LRRC7: variants seen among roughly 807,000 people sequenced by gnomAD.
The protein encoded by LRRC7 is leucine rich repeat containing 7.
A neutral mutation model predicts 175.7 loss-of-function variants in LRRC7; 23 were observed. The observed-to-expected ratio is 0.13, with a 90% confidence interval of 0.09 to 0.19. The LOEUF is 0.19. Ranked by LOEUF, LRRC7 falls within the 10% of genes least tolerant of loss-of-function variation. LRRC7 has a pLI of 1.00. For synonymous variants in LRRC7, 685 were observed against 680.9 expected, an observed-to-expected ratio of 1.01 and a Z score of -0.09; for missense variants, 1,354 against 1,904.7, an observed-to-expected ratio of 0.71 and a Z score of 5.38.
chr1:69,798,408 G>A (rs1676056367), intron 4 of LRRC7, among the ~76,000 whole-genome samples: 1 of 151,958 alleles, frequency 6.6e-6, no homozygotes, highest in Non-Finnish European at 1.5e-5. Context: ...TGTGGCCTCT[G>A]ACCTGACTAA....
chr1:70,002,550 G>A (rs1445713227), intron 11 of LRRC7, among the ~76,000 whole-genome samples: 1 of 152,084 alleles, frequency 6.6e-6, no homozygotes, highest in Admixed American at 6.6e-5. Flanking sequence ...GCTCCTTGAG[G>A]GCTGGATCAT....
At chr1:70,079,628 A>C (rs926886851) in intron 24 of LRRC7, among the ~76,000 whole-genome samples, 2 of 152,226 alleles carry the variant, frequency 1.3e-5, no homozygotes, top group South Asian at 4.1e-4. Flanking sequence ...GAATGAAAAT[A>C]GCAAAGAAAG....
intron 11 of LRRC7, among the ~76,000 whole-genome samples, chr1:70,009,810 G>A (rs1206354057): frequency 6.6e-6 from 1 of 152,204 alleles, no homozygotes; most frequent in East Asian, 1.9e-4. Context: ...AATCTGTTAA[G>A]GTGATGAAGT....
chr1:69,854,980 G>A (rs999860448), intron 7 of LRRC7, among the ~76,000 whole-genome samples: 1 of 152,012 alleles, frequency 6.6e-6, no homozygotes, highest in Non-Finnish European at 1.5e-5. Context: ...ATACCTTAGA[G>A]CAGGGCATTT....
At chr1:69,911,128 C>G (rs891758768) in intron 7 of LRRC7, among the ~76,000 whole-genome samples, 1 of 152,182 alleles carries the variant, frequency 6.6e-6, no homozygotes. Flanking sequence ...GGAAAGGGAA[C>G]TCCCTGACCC....
chr1:69,629,653 G>A (rs1412602192), intron 1 of LRRC7, among the ~76,000 whole-genome samples: 1 of 151,994 alleles, frequency 6.6e-6, no homozygotes, highest in East Asian at 1.9e-4. Flanking sequence ...TCTTTAGTAT[G>A]TCACTTTATC....
intron 26 of LRRC7, among the ~76,000 whole-genome samples, chr1:70,111,528 A>G (rs1182349654): frequency 6.6e-6 from 1 of 152,168 alleles, no homozygotes; most frequent in Non-Finnish European, 1.5e-5. Context: ...TGAATTTGCC[A>G]ATATTTGAAA....
At chr1:69,876,244 T>C (rs1439820520) in intron 7 of LRRC7, among the ~76,000 whole-genome samples, 2 of 152,158 alleles carry the variant, frequency 1.3e-5, no homozygotes, top group Non-Finnish European at 2.9e-5. Context: ...TATTTTGTCT[T>C]ATCTTTTTAA....
At chr1:69,973,070 C>CATAT (rs1163646312) in intron 8 of LRRC7, among the ~76,000 whole-genome samples, 1 of 140,004 alleles carries the variant, frequency 7.1e-6, no homozygotes, top group Admixed American at 7.3e-5. Flanking sequence ...TATAAAGTAC[C>CATAT]ATATATATAT....
At chr1:69,663,445 T>A (rs1397236991) in intron 1 of LRRC7, among the ~76,000 whole-genome samples, 1 of 152,216 alleles carries the variant, frequency 6.6e-6, no homozygotes, top group East Asian at 1.9e-4. Flanking sequence ...AGAGTATTCA[T>A]CACCTCAAGC....
At chr1:69,734,536 A>G (rs1305097168) in intron 2 of LRRC7, among the ~76,000 whole-genome samples, 1 of 151,974 alleles carries the variant, frequency 6.6e-6, no homozygotes, top group Admixed American at 6.6e-5. Context: ...ATGGCTATAT[A>G]GTATTTCATT....
chr1:69,976,388 A>G (rs895820136), intron 8 of LRRC7, among the ~76,000 whole-genome samples: 1 of 152,162 alleles, frequency 6.6e-6, no homozygotes, highest in African/African-American at 2.4e-5. Flanking sequence ...TGCCTGCTTT[A>G]TATTCGCTGG....
At chr1:69,854,462 C>T (rs1202691866) in intron 7 of LRRC7, among the ~76,000 whole-genome samples, 1 of 152,098 alleles carries the variant, frequency 6.6e-6, no homozygotes, top group Non-Finnish European at 1.5e-5. Context: ...AAAATTGTAC[C>T]ATTGCACTCC....
chr1:70,011,747 T>G (rs1484856601), intron 11 of LRRC7, 50 bp from the exon 12 acceptor site: 2 of 1,352,210 alleles, frequency 1.5e-6, no homozygotes, highest in Non-Finnish European at 2.1e-6. Context: ...TTTCAAAACA[T>G]TTTGCTATCT....
intron 8 of LRRC7, 78 bp from the exon 9 acceptor site, chr1:69,980,301 T>C (rs1479099923): frequency 2.5e-6 from 3 of 1,198,570 alleles, no homozygotes; most frequent in Non-Finnish European, 3.7e-6. Context: ...ATCCAAGAAA[T>C]TACATCTTAT....
In LRRC7 at chr1:70,018,871, T is replaced by A. The variant is rs183780496; in HGVS notation, c.1420+53T>A. Reference sequence around the variant, plus strand: ...TACTTATAATGATTATGGATAGAAATAACTAATTTTATTCAGATCTCTGGC... The same window carrying A: ...TACTTATAATGATTATGGATAGAAAAAACTAATTTTATTCAGATCTCTGGC... On this transcript the variant is annotated intron_variant, in intron 15 of 26. Transcript: ENST00000651989. 15 of 1,354,204 alleles carry A rather than the reference T, an allele frequency of 1.1e-5. No individual in the cohort carries two copies. The Admixed American group carries it at 1.4e-4, about 12-fold the overall frequency. 83.9% of individuals were successfully genotyped at this position (1,354,204 alleles called of 1,614,324 possible).
chr1:70,041,030 C>T (rs1406890199), intron 21 of LRRC7, among the ~76,000 whole-genome samples: 1 of 152,126 alleles, frequency 6.6e-6, no homozygotes, highest in African/African-American at 2.4e-5. Flanking sequence ...ATGTGCTCTG[C>T]ATTGACATTA....
intron 3 of LRRC7, among the ~76,000 whole-genome samples, chr1:69,769,875 A>C (rs978311348): frequency 2.0e-5 from 3 of 152,206 alleles, no homozygotes; most frequent in African/African-American, 7.2e-5. Context: ...CAGTTGTGTC[A>C]GTTAGTTTTT....
chr1:69,704,650 A>G (rs1663795426), intron 2 of LRRC7, among the ~76,000 whole-genome samples: 1 of 151,992 alleles, frequency 6.6e-6, no homozygotes, highest in African/African-American at 2.4e-5. Context: ...ATCAGTTTTA[A>G]TAATCACTTT....
Sources: gnomAD v4.1 joint callset for allele counts (sites outside exome capture counted in the v4.1 genomes callset) on GRCh38, gnomAD v4.1.1 for gene constraint, MANE v1.5 for transcripts, NCBI Gene and HGNC (gene_info 2026-07-23, HGNC 2026-07-21) for gene names.